The following DENND1B variants were observed in gnomAD, a reference collection of about 807,000 sequenced individuals.
The protein encoded by DENND1B is DENN domain-containing protein 1B.
Under a neutral mutation model 90.1 loss-of-function variants are expected in DENND1B, and 59 were observed. That is an observed-to-expected ratio of 0.65 (90% CI 0.53 to 0.81). The LOEUF (loss-of-function observed/expected upper bound fraction) is 0.81. Ranked by LOEUF, DENND1B falls within the 40% of genes least tolerant of loss-of-function variation. The probability of loss-of-function intolerance (pLI) is 0.00; values close to 1 mark genes in which losing one functional copy is unlikely to be tolerated. For missense variants in DENND1B, 862 were observed against 912.6 expected, an observed-to-expected ratio of 0.94 and a Z score of 0.71; for synonymous variants, 337 against 324.6, an observed-to-expected ratio of 1.04 and a Z score of -0.41.
chr1:197,702,351 G>A (rs1386230248), intron 3 of DENND1B, among the ~76,000 whole-genome samples: 1 of 152,070 alleles, frequency 6.6e-6, no homozygotes, highest in Non-Finnish European at 1.5e-5. Flanking sequence ...TTCTACTTGG[G>A]TATGTTTTTT....
intron 12 of DENND1B, among the ~76,000 whole-genome samples, chr1:197,610,806 C>T (rs1677116048): frequency 6.6e-6 from 1 of 150,776 alleles, no homozygotes; most frequent in Non-Finnish European, 1.5e-5. Context: ...AATAAGGAGT[C>T]ATAAAGGTAT....
At position 197,607,088 on chromosome 1, in the gene DENND1B, G is replaced by A. The variant is rs981058786; in HGVS notation, c.906C>T (p.Asn302=). ...TCATACTTACCACATCACTTGGTAG[G>A]TTGTTCAAGTCACTAAATGGTGATT... ...TLESPFSDLN[N]LPSDVVSALK... The change falls in exon 13 of 23, where the codon AAC becomes AAT. Residue 302 remains asparagine, a synonymous_variant. Transcript: ENST00000620048. The A allele has an allele frequency of 1.9e-6, 3 of 1,604,650 alleles. No homozygotes were observed. In the Admixed American group the frequency reaches 5.1e-5, roughly 27 times the overall value.
At chr1:197,571,562 T>A (rs574054803) in intron 15 of DENND1B, among the ~76,000 whole-genome samples, 1 of 152,336 alleles carries the variant, frequency 6.6e-6, no homozygotes, top group African/African-American at 2.4e-5. Context: ...TCAATCTAAA[T>A]TGGCCATCCA....
rs904558708 is a variant in DENND1B at position 197,570,750 on chromosome 1, T to C, written c.1149+12402A>G. On this transcript the variant is annotated intron_variant, in intron 15 of 22. Coordinates refer to ENST00000620048, the MANE Select transcript of DENND1B (RefSeq NM_001195215.2). ...AGTCTTTACTTATTATTTATGGTTG[T>C]TATCACTGTAATAAGCAAATATTTG... is the stretch of plus-strand genomic sequence containing the variant. Among the ~76,000 whole-genome samples, 16 of 152,326 alleles carry C rather than the reference T, an allele frequency of 1.1e-4. 1 individual carries two copies. The highest frequency in any genetic ancestry group is 5.2e-4 in the Admixed American group (8 of 15,292).
intron 2 of DENND1B, 58 bp downstream of exon 2, chr1:197,772,810 A>T: frequency 7.0e-7 from 1 of 1,422,706 alleles, no homozygotes; most frequent in South Asian, 1.3e-5. Flanking sequence ...GAACAGAATG[A>T]GATCTTGTCC....
chr1:197,641,519 C>A (rs1273250833), intron 10 of DENND1B, among the ~76,000 whole-genome samples: 27 of 152,028 alleles, frequency 1.8e-4, no homozygotes, highest in Admixed American at 1.8e-3. Context: ...ATATATTTTT[C>A]AATATGTAAA....
intron 3 of DENND1B, among the ~76,000 whole-genome samples, chr1:197,700,172 G>A (rs1658880062): frequency 6.6e-6 from 1 of 152,040 alleles, no homozygotes; most frequent in Non-Finnish European, 1.5e-5. Flanking sequence ...AAAACCCTAA[G>A]TAAAAAGAAC....
chr1:197,756,575 CAAAAAAAAA>C (rs57605617), intron 2 of DENND1B, among the ~76,000 whole-genome samples: 22 of 53,962 alleles, frequency 4.1e-4, no homozygotes, highest in Admixed American at 1.9e-3. Context: ...GTCTCCATCT[CAAAAAAAAA>C]AAAAAAAAAA....
intron 3 of DENND1B, among the ~76,000 whole-genome samples, chr1:197,687,901 T>C (rs1657420297): frequency 1.3e-5 from 2 of 152,110 alleles, no homozygotes; most frequent in African/African-American, 2.4e-5. Flanking sequence ...GACATGACCT[T>C]ATATGTAGAA....
At chr1:197,688,725 G>C (rs1657524454) in intron 3 of DENND1B, 1 of 152,392 alleles carries the variant, frequency 6.6e-6, no homozygotes, top group Non-Finnish European at 1.5e-5. Flanking sequence ...CCAGAATACA[G>C]GTGTCATGAA....
chr1:197,593,898 A>G (rs1240591932), intron 14 of DENND1B, among the ~76,000 whole-genome samples: 1 of 152,078 alleles, frequency 6.6e-6, no homozygotes, highest in African/African-American at 2.4e-5. Flanking sequence ...AGAATCAATC[A>G]CCAATTTTGT....
intron 5 of DENND1B, 59 bp from the exon 6 acceptor site, chr1:197,658,428 A>G: frequency 8.7e-7 from 1 of 1,149,286 alleles, no homozygotes; most frequent in Non-Finnish European, 1.3e-6. Context: ...AAAACAGACA[A>G]TATAAACATT....
At chr1:197,743,828 T>C (rs771036783) in intron 2 of DENND1B, among the ~76,000 whole-genome samples, 1 of 151,994 alleles carries the variant, frequency 6.6e-6, no homozygotes. Context: ...GAAAAAAAAA[T>C]TGGAGTCAGT....
intron 20 of DENND1B, among the ~76,000 whole-genome samples, chr1:197,527,347 A>G (rs796232623): frequency 2.1e-5 from 3 of 140,668 alleles, no homozygotes; most frequent in Admixed American, 7.5e-5. Context: ...GTTTGGCATG[A>G]TCTTGGCTCA....
chr1:197,538,218 T>C (rs1227441436), intron 20 of DENND1B, among the ~76,000 whole-genome samples: 2 of 152,058 alleles, frequency 1.3e-5, no homozygotes, highest in African/African-American at 2.4e-5. Flanking sequence ...ATAACCTAAA[T>C]GCTCCATATT....
intron 2 of DENND1B, chr1:197,735,906 A>G: frequency 3.9e-6 from 6 of 1,524,702 alleles, no homozygotes; most frequent in Non-Finnish European, 5.4e-6. Flanking sequence ...TGCTGATATA[A>G]TGGCCAAGAG....
chr1:197,658,495 T>A (rs569042544), intron 5 of DENND1B, 126 bp from the exon 6 acceptor site: 3 of 570,420 alleles, frequency 5.3e-6, no homozygotes, highest in Admixed American at 3.3e-5. Flanking sequence ...ACTATACCCA[T>A]TTTCTTTACT....
intron 3 of DENND1B, among the ~76,000 whole-genome samples, chr1:197,700,977 G>A (rs1338204242): frequency 6.6e-6 from 1 of 151,972 alleles, no homozygotes. Context: ...TGCTTTGTTG[G>A]TGGGAATGTA....
intron 2 of DENND1B, among the ~76,000 whole-genome samples, chr1:197,766,508 A>G (rs1655720870): frequency 6.6e-6 from 1 of 152,230 alleles, no homozygotes; most frequent in South Asian, 2.1e-4. Flanking sequence ...ATGGTTATAG[A>G]TGAGTTTTAA....
Sources: allele counts gnomAD v4.1 joint callset (sites outside exome capture counted in the v4.1 genomes callset), GRCh38; gene constraint gnomAD v4.1.1; transcripts MANE v1.5; gene names NCBI Gene and HGNC (gene_info 2026-07-23, HGNC 2026-07-21).